The following ARMC2 variants were observed in gnomAD, a reference collection of about 807,000 sequenced individuals.
ARMC2 encodes the protein armadillo repeat-containing protein 2.
Under a neutral mutation model 90.3 loss-of-function variants are expected in ARMC2, and 67 were observed. The ratio of observed to expected loss-of-function variants is 0.74; its 90% confidence interval spans 0.61 to 0.91. The LOEUF (loss-of-function observed/expected upper bound fraction) is 0.91. Ranked by LOEUF, ARMC2 falls within the 40% of genes least tolerant of loss-of-function variation. The probability of loss-of-function intolerance (pLI) is 0.00; values close to 1 mark genes in which losing one functional copy is unlikely to be tolerated. For missense variants in ARMC2, 920 were observed against 1,030.9 expected, an observed-to-expected ratio of 0.89 and a Z score of 1.47; for synonymous variants, 393 against 393.0, an observed-to-expected ratio of 1.00 and a Z score of 0.00.
rs1340218710 is a variant in ARMC2, at chr6:108,928,095, C to A, written c.1358C>A (p.Ala453Asp). 1 of 1,602,806 alleles carries A rather than the reference C, an allele frequency of 6.2e-7. No homozygotes were observed. The highest frequency in any genetic ancestry group is 1.8e-5 in the Admixed American group (1 of 56,820). The change falls in exon 11 of 18, where the codon GCT becomes GAT. Residue 453 changes from alanine (A) to aspartate (D), a missense_variant. By Grantham distance (126) the Ala-to-Asp change is moderately radical. Transcript: ENST00000392644. ...NSGHLLVQVT[A>D]TLRNLVDSSL... ...AGCATGCTTTTATCCTAGGTGACTG[C>A]TACATTGAGAAACTTGGTTGATTCA...
chr6:108,955,496 A>G (rs1777512353), intron 13 of ARMC2, among the ~76,000 whole-genome samples: 1 of 152,296 alleles, frequency 6.6e-6, no homozygotes, highest in East Asian at 1.9e-4. Context: ...AGTGAGATAT[A>G]GTGACTTTCA....
intron 5 of ARMC2, chr6:108,879,990 T>G: frequency 2.1e-6 from 1 of 465,980 alleles, no homozygotes; most frequent in Non-Finnish European, 4.4e-6. Context: ...AACTATCGAG[T>G]GCTCTTAGTA....
chr6:108,978,187 C>T (rs112730061), downstream of ARMC2, among the ~76,000 whole-genome samples: 1,752 of 152,182 alleles, frequency 0.012, 43 homozygotes, highest in African/African-American at 0.04. Context: ...CCAGAGATTC[C>T]GGTACATTGT....
chr6:108,960,627 T>A (rs1471668629), intron 13 of ARMC2, among the ~76,000 whole-genome samples: 1 of 152,164 alleles, frequency 6.6e-6, no homozygotes, highest in African/African-American at 2.4e-5. Context: ...TCATATGTGC[T>A]ATGGAGAAAA....
At chr6:108,970,920 G>A (rs1209323490) in intron 17 of ARMC2, among the ~76,000 whole-genome samples, 1 of 152,130 alleles carries the variant, frequency 6.6e-6, no homozygotes, top group Non-Finnish European at 1.5e-5. Flanking sequence ...CAGGAAGATG[G>A]CCTAGAAATG....
the ARMC2 span, among the ~76,000 whole-genome samples, chr6:109,019,364 A>G: frequency 6.7e-3 from 1,027 of 152,338 alleles, 17 homozygotes; most frequent in Non-Finnish European, 6.6e-3. Flanking sequence ...TGGTTCCAGC[A>G]GAGTGCTGGG....
the ARMC2 span, among the ~76,000 whole-genome samples, chr6:109,013,500 A>G: frequency 6.6e-6 from 1 of 152,204 alleles, no homozygotes; most frequent in Non-Finnish European, 1.5e-5. Flanking sequence ...CCCTGAGCGC[A>G]TTAGGTCTTT....
At chr6:109,007,263 T>C in the ARMC2 span, among the ~76,000 whole-genome samples, 1 of 152,224 alleles carries the variant, frequency 6.6e-6, no homozygotes, top group South Asian at 2.1e-4. Flanking sequence ...TCAATGTTTG[T>C]GTACTGAAAA....
chr6:108,913,849 TACAC>T (rs1371700741), intron 10 of ARMC2, among the ~76,000 whole-genome samples: 1 of 152,232 alleles, frequency 6.6e-6, no homozygotes, highest in Non-Finnish European at 1.5e-5. Context: ...CACCTTTTAG[TACAC>T]ACACAGGATT....
intron 13 of ARMC2, among the ~76,000 whole-genome samples, chr6:108,957,310 C>T (rs1777666217): frequency 6.6e-6 from 1 of 152,226 alleles, no homozygotes; most frequent in South Asian, 2.1e-4. Flanking sequence ...GTTTCTAAGC[C>T]CTGCTAAGCC....
intron 6 of ARMC2, 49 bp downstream of exon 6, chr6:108,894,592 A>G: frequency 6.7e-7 from 1 of 1,502,582 alleles, no homozygotes; most frequent in Non-Finnish European, 9.0e-7. Context: ...ACTTGAAGGA[A>G]AGATGTTTGC....
chr6:109,041,471 G>C, the ARMC2 span, among the ~76,000 whole-genome samples: 7 of 152,094 alleles, frequency 4.6e-5, no homozygotes, highest in African/African-American at 1.7e-4. Flanking sequence ...GAGGGATTTT[G>C]AGGACAATGA....
chr6:108,910,288 A>C (rs1349528423), intron 8 of ARMC2, among the ~76,000 whole-genome samples: 1 of 151,912 alleles, frequency 6.6e-6, no homozygotes, highest in Non-Finnish European at 1.5e-5. Context: ...ACATCTCTAC[A>C]AAAAAAATGT....
At chr6:108,865,969 A>G (rs1232251333) in intron 3 of ARMC2, among the ~76,000 whole-genome samples, 1 of 149,112 alleles carries the variant, frequency 6.7e-6, no homozygotes, top group Non-Finnish European at 1.5e-5. Flanking sequence ...GTGAGCCATG[A>G]TCGTACCACT....
chr6:108,849,790 A>C (rs1330644885), intron 1 of ARMC2, among the ~76,000 whole-genome samples: 2 of 152,276 alleles, frequency 1.3e-5, no homozygotes, highest in Non-Finnish European at 1.5e-5. Context: ...TATTATTACT[A>C]TCCACCTTTT....
chr6:108,968,691 A>C (rs1442249347), intron 17 of ARMC2, among the ~76,000 whole-genome samples: 1 of 151,482 alleles, frequency 6.6e-6, no homozygotes, highest in African/African-American at 2.5e-5. Context: ...TAGCTAAAAC[A>C]AACAAACAAA....
the ARMC2 span, among the ~76,000 whole-genome samples, chr6:109,052,988 T>G: frequency 6.6e-6 from 1 of 152,072 alleles, no homozygotes. Context: ...ATGTTAGGAA[T>G]AAGAGGTATA....
chr6:108,962,751 TAC>T (rs1315049546), intron 15 of ARMC2, among the ~76,000 whole-genome samples: 1 of 152,212 alleles, frequency 6.6e-6, no homozygotes, highest in African/African-American at 2.4e-5. Flanking sequence ...AAGCCTGTAA[TAC>T]CAGCACTTTG....
intron 5 of ARMC2, among the ~76,000 whole-genome samples, chr6:108,882,148 A>T (rs1281196399): frequency 2.0e-5 from 3 of 151,668 alleles, no homozygotes; most frequent in African/African-American, 7.3e-5. Flanking sequence ...AAAAAAAAAA[A>T]GAAAGGGTTC....
Sources: allele counts gnomAD v4.1 joint callset (sites outside exome capture counted in the v4.1 genomes callset), GRCh38; gene constraint gnomAD v4.1.1; transcripts MANE v1.5; gene names NCBI Gene and HGNC (gene_info 2026-07-23, HGNC 2026-07-21).